Variants in SNTG1 observed in about 807,000 individuals in gnomAD.
SNTG1 encodes the protein gamma-1-syntrophin.
SNTG1 carries 39 observed loss-of-function variants against 74.7 expected under a neutral mutation model. The observed-to-expected ratio is 0.52, with a 90% confidence interval of 0.40 to 0.68. The LOEUF is 0.68. Ranked by LOEUF, SNTG1 falls within the 30% of genes least tolerant of loss-of-function variation. The pLI is 0.00. For synonymous variants in SNTG1, 254 were observed against 217.1 expected, an observed-to-expected ratio of 1.17 and a Z score of -1.49; for missense variants, 685 against 609.5, an observed-to-expected ratio of 1.12 and a Z score of -1.30.
chr8:50,569,915 T>A (rs2094537347), intron 12 of SNTG1, among the ~76,000 whole-genome samples: 1 of 152,174 alleles, frequency 6.6e-6, no homozygotes. Flanking sequence ...GAGAGAGTCA[T>A]TTAAGTCAGA....
At chr8:50,385,648 A>G (rs2092562510) in intron 2 of SNTG1, among the ~76,000 whole-genome samples, 1 of 152,198 alleles carries the variant, frequency 6.6e-6, no homozygotes, top group South Asian at 2.1e-4. Flanking sequence ...GAAGATTGAT[A>G]CATCTCTGAG....
At chr8:50,424,120 G>A (rs1198917986) in intron 4 of SNTG1, among the ~76,000 whole-genome samples, 1 of 152,140 alleles carries the variant, frequency 6.6e-6, no homozygotes, top group South Asian at 2.1e-4. Context: ...GTGAATCAAA[G>A]GTTCCGGGAA....
intron 2 of SNTG1, among the ~76,000 whole-genome samples, chr8:50,235,351 C>G (rs927215724): frequency 1.3e-5 from 2 of 152,128 alleles, no homozygotes; most frequent in Non-Finnish European, 2.9e-5. Flanking sequence ...CACAGAAAGA[C>G]AAACATAGCA....
intron 12 of SNTG1, among the ~76,000 whole-genome samples, chr8:50,565,187 G>A (rs1444999912): frequency 1.3e-5 from 2 of 151,776 alleles, no homozygotes; most frequent in Non-Finnish European, 2.9e-5. Context: ...TCAAAAATAA[G>A]GAAAAATTAA....
chr8:50,092,783 A>G (rs1443290792), intron 1 of SNTG1, among the ~76,000 whole-genome samples: 4 of 152,156 alleles, frequency 2.6e-5, no homozygotes, highest in Non-Finnish European at 5.9e-5. Context: ...ACACTGACAA[A>G]CAGTTTTAAT....
chr8:50,279,479 A>G lies in SNTG1; in HGVS notation c.-28+106844A>G, dbSNP rs902023516. On this transcript the variant is annotated intron_variant, in intron 2 of 18. Coordinates refer to ENST00000642720, the MANE Select transcript of SNTG1 (RefSeq NM_018967.5). ...GAATAAGTAGAACAAAGTTTTTTCA[A>G]CTAAGGCTATCTTGTCATTATAATC... Among the ~76,000 whole-genome samples, 5 of 152,328 alleles carry G rather than the reference A, an allele frequency of 3.3e-5. No homozygotes were observed. In the East Asian group the frequency reaches 7.7e-4, roughly 23 times the overall value.
At chr8:50,535,939 G>A (rs2094304040) in intron 10 of SNTG1, among the ~76,000 whole-genome samples, 2 of 152,074 alleles carry the variant, frequency 1.3e-5, no homozygotes, top group South Asian at 4.2e-4. Context: ...GTGTGATGAA[G>A]AAATTTTAAC....
At chr8:50,717,176 C>T (rs1215844694) in intron 17 of SNTG1, among the ~76,000 whole-genome samples, 1 of 152,162 alleles carries the variant, frequency 6.6e-6, no homozygotes, top group Non-Finnish European at 1.5e-5. Flanking sequence ...ATATACTTTT[C>T]ATACCCTTAA....
intron 5 of SNTG1, among the ~76,000 whole-genome samples, chr8:50,443,258 A>G (rs1303860250): frequency 1.3e-5 from 2 of 152,140 alleles, no homozygotes; most frequent in Admixed American, 1.3e-4. Context: ...ATTAAATTAT[A>G]CTTCTGTTCA....
chr8:50,462,736 T>A (rs2093574897), intron 8 of SNTG1, among the ~76,000 whole-genome samples: 1 of 145,590 alleles, frequency 6.9e-6, no homozygotes, highest in African/African-American at 2.5e-5. Flanking sequence ...AATCAGCTCC[T>A]CATGTATTCA....
At chr8:50,573,927 G>T (rs759371458) in intron 12 of SNTG1, among the ~76,000 whole-genome samples, 4 of 151,742 alleles carry the variant, frequency 2.6e-5, no homozygotes, top group Non-Finnish European at 5.9e-5. Context: ...AAAAAATAAC[G>T]TGATAGAATC....
At chr8:50,193,450 T>G (rs2083651747) in intron 2 of SNTG1, among the ~76,000 whole-genome samples, 1 of 152,102 alleles carries the variant, frequency 6.6e-6, no homozygotes, top group African/African-American at 2.4e-5. Context: ...AAGGGTTGAG[T>G]TCTTGATTTG....
chr8:50,669,192 C>A (rs2095265737), intron 15 of SNTG1, among the ~76,000 whole-genome samples: 1 of 150,544 alleles, frequency 6.6e-6, no homozygotes, highest in East Asian at 2.0e-4. Flanking sequence ...AAAATCAGAG[C>A]AGAACTGAAG....
At chr8:50,365,036 T>C (rs2131100090) in intron 2 of SNTG1, among the ~76,000 whole-genome samples, 1 of 152,288 alleles carries the variant, frequency 6.6e-6, no homozygotes, top group African/African-American at 2.4e-5. Context: ...TAAGCAGTTA[T>C]TTTGTCCTTG....
intron 5 of SNTG1, among the ~76,000 whole-genome samples, chr8:50,445,809 T>A (rs983614434): frequency 6.6e-6 from 1 of 152,190 alleles, no homozygotes; most frequent in African/African-American, 2.4e-5. Flanking sequence ...AAGCCTTGCC[T>A]GGACCTCAGG....
intron 18 of SNTG1, chr8:50,762,567 C>T: frequency 2.7e-6 from 1 of 369,796 alleles, no homozygotes; most frequent in African/African-American, 2.1e-5. Flanking sequence ...ATTTTTGTTC[C>T]AAGGATGTGC....
chr8:50,752,926 C>T (rs938496695), intron 18 of SNTG1, among the ~76,000 whole-genome samples: 3 of 151,928 alleles, frequency 2.0e-5, no homozygotes, highest in African/African-American at 7.2e-5. Context: ...GAGTATCTCT[C>T]GAGATGTCCC....
chr8:50,529,170 A>G (rs955151414), intron 9 of SNTG1, among the ~76,000 whole-genome samples: 11 of 152,122 alleles, frequency 7.2e-5, no homozygotes, highest in African/African-American at 2.6e-4. Flanking sequence ...TAATACATAT[A>G]TACATTAAAA....
chr8:50,462,089 C>A (rs1480209718), intron 8 of SNTG1, among the ~76,000 whole-genome samples: 1 of 152,078 alleles, frequency 6.6e-6, no homozygotes, highest in Admixed American at 6.6e-5. Flanking sequence ...CAGAAATCAT[C>A]ACTAAAGAAC....
Sources: allele counts gnomAD v4.1 joint callset (sites outside exome capture counted in the v4.1 genomes callset), GRCh38; gene constraint gnomAD v4.1.1; transcripts MANE v1.5; gene names NCBI Gene and HGNC (gene_info 2026-07-23, HGNC 2026-07-21).